The following NLRP1 variants were observed in gnomAD, a reference collection of about 807,000 sequenced individuals.
NLRP1 encodes the protein NACHT, LRR and PYD domains-containing protein 1.
NLRP1 carries 94 observed loss-of-function variants against 136.7 expected under a neutral mutation model. That is an observed-to-expected ratio of 0.69 (90% CI 0.58 to 0.82). The LOEUF (loss-of-function observed/expected upper bound fraction) is 0.82, where lower values mean the gene tolerates loss of function less well. NLRP1 is among the 40% of genes least tolerant of loss of function. The pLI is 0.00. For synonymous variants in NLRP1, 690 were observed against 725.1 expected, an observed-to-expected ratio of 0.95 and a Z score of 0.78; for missense variants, 1,575 against 1,802.7, an observed-to-expected ratio of 0.87 and a Z score of 2.29.
Position 5,584,012 on chromosome 17 carries a change from T to A in NLRP1, c.-55A>T. 1 of 1,549,836 alleles carries A rather than the reference T, an allele frequency of 6.5e-7. No individual in the cohort carries two copies. Among genetic ancestry groups the A allele is most frequent in the Non-Finnish European group, 8.8e-7 (1 of 1,139,932 alleles). ...GGGATGTTCCCAGGTGGTGAGGGTA[T>A]CAGGCAGGCAGAGAACAGTGCTGTC... is the stretch of plus-strand genomic sequence containing the variant. On this transcript the variant is annotated 5_prime_UTR_variant, in exon 1 of 17. Coordinates refer to ENST00000572272, the MANE Select transcript of NLRP1 (RefSeq NM_033004.4).
At chr17:5,579,258 TAAA>T (rs35189601) in intron 3 of NLRP1, among the ~76,000 whole-genome samples, 1 of 143,936 alleles carries the variant, frequency 6.9e-6, no homozygotes, top group African/African-American at 2.6e-5. Flanking sequence ...CTTAAAGTAT[TAAA>T]AAAAAAAAAA....
chr17:5,538,651 G>A (rs781200023), intron 7 of NLRP1, among the ~76,000 whole-genome samples: 6 of 152,094 alleles, frequency 3.9e-5, no homozygotes, highest in Non-Finnish European at 8.8e-5. Context: ...GCTTCAGTAG[G>A]GCAGGGCCCA....
chr17:5,570,508 C>T lies in NLRP1; in HGVS notation c.653-10465G>A, dbSNP rs549963424. Reference sequence around the variant, plus strand: ...CCTCTATATACAGAAACTAGAAAAACCTACAAGAAATAAATTCCTAGGACT... The same window carrying T: ...CCTCTATATACAGAAACTAGAAAAATCTACAAGAAATAAATTCCTAGGACT... On this transcript the variant is annotated intron_variant, in intron 3 of 16. Transcript: ENST00000572272. 2.0e-5 allele frequency among the ~76,000 whole-genome samples: 3 copies of T among 152,064 alleles called. No individual in the cohort carries two copies. In the East Asian group the frequency reaches 5.8e-4, roughly 29 times the overall value.
chr17:5,569,796 C>A (rs1470890537), intron 3 of NLRP1, among the ~76,000 whole-genome samples: 1 of 152,140 alleles, frequency 6.6e-6, no homozygotes, highest in Non-Finnish European at 1.5e-5. Context: ...GAACTCTCCA[C>A]CCCAAACAAC....
intron 9 of NLRP1, among the ~76,000 whole-genome samples, 157 bp from the exon 10 acceptor site, chr17:5,533,541 G>A (rs866112095): frequency 1.6e-4 from 22 of 139,878 alleles, no homozygotes; most frequent in Admixed American, 1.4e-4. Context: ...GAACACTAGA[G>A]TGAGACTCTG....
Position 5,553,547 on chromosome 17 carries a change from C to G in NLRP1, c.2367G>C (p.Trp789Cys). Residue 789 changes from tryptophan (W) to cysteine (C), a missense_variant, in exon 5 of 17, where the codon TGG becomes TGC. Trp to Cys is a radical substitution (Grantham distance 215). Coordinates refer to ENST00000572272, the MANE Select transcript of NLRP1 (RefSeq NM_033004.4). ...WSPTMVVLFR[W>C]VPVTDAYWQI... is the part of the protein sequence containing the mutation. ...GCCAATAGGCATCTGTGACTGGGACCCACCTGAACCTGAGGGGGAGAGAGA... is the reference window on the plus strand; with the variant it reads ...GCCAATAGGCATCTGTGACTGGGACGCACCTGAACCTGAGGGGGAGAGAGA... The G allele has an allele frequency of 6.2e-7, 1 of 1,613,708 alleles. No individual in the cohort carries two copies. Among genetic ancestry groups the G allele is most frequent in the African/African-American group, 1.3e-5 (1 of 75,038 alleles).
chr17:5,533,441 T>G, intron 9 of NLRP1, 57 bp from the exon 10 acceptor site: 1 of 730,870 alleles, frequency 1.4e-6, no homozygotes, highest in Non-Finnish European at 2.4e-6. Context: ...GCAGTCCCAG[T>G]TCTACTCAGG....
chr17:5,570,323 C>A (rs1381583818), intron 3 of NLRP1, among the ~76,000 whole-genome samples: 1 of 151,514 alleles, frequency 6.6e-6, no homozygotes, highest in Non-Finnish European at 1.5e-5. Flanking sequence ...ACCAAAAGTT[C>A]ATTCTTTGGA....
Position 5,523,285 on chromosome 17 carries a change from CAAAAACAAAAAACA to C in NLRP1, c.3521-1513_3521-1500del, listed in dbSNP as rs550799518. On this transcript the variant is annotated intron_variant, in intron 12 of 16. Transcript: ENST00000572272. ...TGGGTGACAGAGTGAGACCCTGTCT[CAAAAACAAAAAACA>C]AAAAACAAAAAACAAAATACCAGAA... Among the ~76,000 whole-genome samples the C allele has an allele frequency of 1.1e-4, 16 of 151,538 alleles. No individual in the cohort carries two copies. The East Asian group carries it at 2.1e-3, about 20-fold the overall frequency.
chr17:5,554,116 G>A (rs1399861412), intron 4 of NLRP1, among the ~76,000 whole-genome samples: 1 of 152,086 alleles, frequency 6.6e-6, no homozygotes, highest in Non-Finnish European at 1.5e-5. Context: ...ATGGAAGACT[G>A]TATATGATCA....
At chr17:5,512,012 T>A (rs1243003316), downstream of NLRP1, 2 of 569,826 alleles carry the variant, frequency 3.5e-6, no homozygotes, top group Non-Finnish European at 6.5e-6. Context: ...AACAATGAGG[T>A]GGTAACTAAT....
chr17:5,546,413 A>C (rs1449149657), intron 5 of NLRP1, among the ~76,000 whole-genome samples: 1 of 152,124 alleles, frequency 6.6e-6, no homozygotes, highest in Admixed American at 6.5e-5. Context: ...GTTCCAGAGG[A>C]GGCCAAGGGT....
rs200865665 is a variant in NLRP1, at chr17:5,514,545, C to T, written c.*209G>A. 2.8e-6 allele frequency: 4 copies of T among 1,422,198 alleles called. No homozygotes were observed. The highest frequency in any genetic ancestry group is 3.7e-6 in the Non-Finnish European group (4 of 1,092,154). The allele number at this position is 1,422,198 out of a possible 1,614,324, so 88.1% of individuals were successfully genotyped here. ...CTTGCCAGCTCCAGATGGACATTCC[C>T]TGAGATGCTGTTAGGCCACCTGGAC... On this transcript the variant is annotated 3_prime_UTR_variant, in exon 17 of 17. Coordinates refer to ENST00000572272, the MANE Select transcript of NLRP1 (RefSeq NM_033004.4).
chr17:5,503,503 C>T (rs1209750544), intron 15 of NLRP1: 2 of 152,122 alleles, frequency 1.3e-5, no homozygotes, highest in Non-Finnish European at 2.9e-5. Flanking sequence ...CCAGGTGTCT[C>T]TAGGACACCT....
At position 5,553,391 on chromosome 17, in the gene NLRP1, G is replaced by C. The variant is rs1010354751; in HGVS notation, c.2523C>G (p.Thr841=). ...TLRRPRCLLE[T]LRLAGCGLTA... Reference sequence around the variant, plus strand: ...AGAACCCAGGCCAGACTCACCGCAGGGTCTCCAGGAGGCAGCGAGGGCGTC... The same window carrying C: ...AGAACCCAGGCCAGACTCACCGCAGCGTCTCCAGGAGGCAGCGAGGGCGTC... Residue 841 remains threonine, a synonymous_variant, in exon 5 of 17, where the codon ACC becomes ACG. Coordinates refer to ENST00000572272, the MANE Select transcript of NLRP1 (RefSeq NM_033004.4). 6.2e-7 allele frequency: 1 copy of C among 1,611,382 alleles called. No homozygotes were observed. The highest frequency in any genetic ancestry group is 8.5e-7 in the Non-Finnish European group (1 of 1,178,450).
At chr17:5,523,264 TGACAGAGTGA>T (rs1441631164) in intron 12 of NLRP1, among the ~76,000 whole-genome samples, 1 of 152,034 alleles carries the variant, frequency 6.6e-6, no homozygotes, top group Non-Finnish European at 1.5e-5. Context: ...CTAGCCTGGG[TGACAGAGTGA>T]GACCCTGTCT....
At chr17:5,516,873 A>AT (rs965777227) in intron 15 of NLRP1, among the ~76,000 whole-genome samples, 3 of 152,114 alleles carry the variant, frequency 2.0e-5, no homozygotes, top group African/African-American at 7.2e-5. Context: ...TAGATTCACC[A>AT]TTTTTTGAGA....
chr17:5,524,382 C>T (rs184458998), intron 12 of NLRP1, among the ~76,000 whole-genome samples: 1 of 152,332 alleles, frequency 6.6e-6, no homozygotes, highest in East Asian at 1.9e-4. Flanking sequence ...CCCTGTGATT[C>T]AGCCTGTTTC....
At chr17:5,565,432 G>T (rs1181417303) in intron 3 of NLRP1, among the ~76,000 whole-genome samples, 2 of 152,116 alleles carry the variant, frequency 1.3e-5, no homozygotes, top group South Asian at 2.1e-4. Context: ...CATTCTGTGG[G>T]TTGTCTCTTC....
Sources: gnomAD v4.1 joint callset for allele counts (sites outside exome capture counted in the v4.1 genomes callset) on GRCh38, gnomAD v4.1.1 for gene constraint, MANE v1.5 for transcripts, NCBI Gene and HGNC (gene_info 2026-07-23, HGNC 2026-07-21) for gene names.